The following CYTH1 variants were observed in gnomAD, a reference collection of about 807,000 sequenced individuals.
CYTH1 encodes the protein cytohesin 1.
A neutral mutation model predicts 61.8 loss-of-function variants in CYTH1; 18 were observed. The observed-to-expected ratio is 0.29, with a 90% confidence interval of 0.20 to 0.43. The LOEUF (loss-of-function observed/expected upper bound fraction) is 0.43. CYTH1 is among the 20% of genes least tolerant of loss of function. The pLI is 1.00. For synonymous variants in CYTH1, 174 were observed against 184.3 expected (o/e 0.94, Z 0.45); for missense variants, 336 against 510.5 (o/e 0.66, Z 3.29).
intron 1 of CYTH1, among the ~76,000 whole-genome samples, chr17:78,749,651 T>TA (rs1356799832): frequency 1.3e-5 from 2 of 149,134 alleles, no homozygotes; most frequent in Admixed American, 6.6e-5. Context: ...TAATAACAAA[T>TA]AAAAATAAAA....
chr17:78,705,804 A>G (rs970220661), intron 3 of CYTH1, among the ~76,000 whole-genome samples: 4 of 152,214 alleles, frequency 2.6e-5, no homozygotes, highest in African/African-American at 9.6e-5. Flanking sequence ...CTTCAGATGC[A>G]GTTCATGAGT....
Position 78,674,139 on chromosome 17 carries a change from A to C in CYTH1, c.*1952T>G, listed in dbSNP as rs568195951. On this transcript the variant is annotated 3_prime_UTR_variant, in exon 14 of 14. Coordinates refer to ENST00000446868, the MANE Select transcript of CYTH1 (RefSeq NM_004762.6). The stretch of plus-strand genomic sequence containing the variant: ...ACAAACAAAAACAATTAGAATAATT[A>C]TTTCTTAAAAACCCTGTCAACAACT... 3 of 152,682 alleles carry C rather than the reference A, an allele frequency of 2.0e-5. No homozygotes were observed. In the East Asian group the frequency reaches 5.8e-4, roughly 29 times the overall value. The allele number at this position is 152,682 out of a possible 1,614,324, so 9.5% of individuals were successfully genotyped here.
chr17:78,732,434 GAAGA>G (rs1156642198), intron 1 of CYTH1, among the ~76,000 whole-genome samples: 1 of 152,172 alleles, frequency 6.6e-6, no homozygotes, highest in African/African-American at 2.4e-5. Flanking sequence ...CCTTCATTAA[GAAGA>G]AAGGGCAGTT....
rs138035504 is a variant in CYTH1, at chr17:78,677,221, T to C, written c.1119-1052A>G. ...CTGGCGGCCGGGACACCTGCTTTCATGTTTGGAGGTGTTGGGGTGAATCTC... is the reference window on the plus strand; with the variant it reads ...CTGGCGGCCGGGACACCTGCTTTCACGTTTGGAGGTGTTGGGGTGAATCTC... On this transcript the variant is annotated intron_variant, in intron 13 of 13. Transcript: ENST00000446868. 951 of 388,370 alleles carry C rather than the reference T, an allele frequency of 2.4e-3. 9 individuals are homozygous for C. In the Middle Eastern group the frequency reaches 0.044, roughly 18 times the overall value. 24.1% of individuals were successfully genotyped at this position (388,370 alleles called of 1,614,324 possible). A position where few individuals can be genotyped will look rare whatever the true frequency, so the allele number is the denominator to read the frequency against.
chr17:78,749,805 T>C (rs2093372864), intron 1 of CYTH1, among the ~76,000 whole-genome samples: 1 of 152,180 alleles, frequency 6.6e-6, no homozygotes, highest in Non-Finnish European at 1.5e-5. Context: ...TCCAAGCTTT[T>C]ACTTAATACA....
At chr17:78,734,432 C>CTT (rs10557033) in intron 1 of CYTH1, among the ~76,000 whole-genome samples, 118 of 62,696 alleles carry the variant, frequency 1.9e-3, no homozygotes, top group Non-Finnish European at 2.5e-3. Context: ...TAAAAAAAAG[C>CTT]TTTTTTTTTT....
At chr17:78,742,392 T>C (rs1012957502) in intron 1 of CYTH1, among the ~76,000 whole-genome samples, 1 of 152,194 alleles carries the variant, frequency 6.6e-6, no homozygotes, top group East Asian at 1.9e-4. Flanking sequence ...TGGGACCCTG[T>C]CTCTACAAAA....
At chr17:78,685,323 A>G (rs1039185769) in intron 11 of CYTH1, among the ~76,000 whole-genome samples, 1 of 150,650 alleles carries the variant, frequency 6.6e-6, no homozygotes, top group African/African-American at 2.4e-5. Flanking sequence ...AATTCTTCAC[A>G]TTGTTCCTCC....
intron 3 of CYTH1, among the ~76,000 whole-genome samples, 155 bp from the exon 4 acceptor site, chr17:78,702,759 A>G (rs2093025542): frequency 6.6e-6 from 1 of 152,158 alleles, no homozygotes; most frequent in Non-Finnish European, 1.5e-5. Context: ...GCCAACTGAA[A>G]CCTGAAGCCT....
At chr17:78,683,074 C>T (rs2092779744) in intron 11 of CYTH1, among the ~76,000 whole-genome samples, 1 of 152,144 alleles carries the variant, frequency 6.6e-6, no homozygotes, top group South Asian at 2.1e-4. Context: ...TTTCTTAATG[C>T]TTTTCTTCCA....
intron 1 of CYTH1, among the ~76,000 whole-genome samples, chr17:78,731,839 C>T (rs1312660059): frequency 6.6e-6 from 1 of 150,632 alleles, no homozygotes; most frequent in Non-Finnish European, 1.5e-5. Context: ...GAGACAAGAA[C>T]ACTATAAATC....
chr17:78,735,021 G>A (rs2093314220), intron 1 of CYTH1, among the ~76,000 whole-genome samples: 1 of 152,108 alleles, frequency 6.6e-6, no homozygotes, highest in African/African-American at 2.4e-5. Flanking sequence ...ATGTCTAAGG[G>A]CATCTATTTT....
chr17:78,754,707 GAA>G (rs2093393998), intron 1 of CYTH1, among the ~76,000 whole-genome samples: 1 of 152,016 alleles, frequency 6.6e-6, no homozygotes, highest in South Asian at 2.1e-4. Flanking sequence ...GTTTGTGACT[GAA>G]GTTTTATGTC....
chr17:78,689,259 C>T (rs2092850560), intron 11 of CYTH1, among the ~76,000 whole-genome samples: 2 of 152,168 alleles, frequency 1.3e-5, no homozygotes, highest in South Asian at 2.1e-4. Flanking sequence ...TGATAGAGTT[C>T]TGATGAGTCT....
At chr17:78,744,567 C>T (rs562923027) in intron 1 of CYTH1, among the ~76,000 whole-genome samples, 9 of 152,290 alleles carry the variant, frequency 5.9e-5, no homozygotes, top group Admixed American at 5.9e-4. Flanking sequence ...AAGGTTCCTT[C>T]TACTTTGGTT....
intron 13 of CYTH1, among the ~76,000 whole-genome samples, chr17:78,679,092 T>C (rs936206924): frequency 1.3e-5 from 2 of 152,178 alleles, no homozygotes; most frequent in African/African-American, 4.8e-5. Context: ...CTGGTCTGAG[T>C]AGAAATACCA....
chr17:78,777,186 G>GAGGCCA (rs71161624), intron 1 of CYTH1, among the ~76,000 whole-genome samples: 10,988 of 151,506 alleles, frequency 0.073, 786 homozygotes, highest in African/African-American at 0.18. Context: ...AGCACTTTGG[G>GAGGCCA]AGGCGGATGG....
At chr17:78,711,310 T>TACACAC (rs1390507304) in intron 1 of CYTH1, among the ~76,000 whole-genome samples, 9 of 143,698 alleles carry the variant, frequency 6.3e-5, no homozygotes, top group African/African-American at 1.9e-4. Flanking sequence ...ATAATATATA[T>TACACAC]ATATACACAC....
intron 1 of CYTH1, among the ~76,000 whole-genome samples, chr17:78,778,359 C>T (rs1046931412): frequency 2.1e-5 from 3 of 145,730 alleles, no homozygotes; most frequent in African/African-American, 5.1e-5. Flanking sequence ...TATTTAGGGC[C>T]GGGCGTGGTG....
Sources: allele counts gnomAD v4.1 joint callset (sites outside exome capture counted in the v4.1 genomes callset), GRCh38; gene constraint gnomAD v4.1.1; transcripts MANE v1.5; gene names NCBI Gene and HGNC (gene_info 2026-07-23, HGNC 2026-07-21).